The following DPRX variants were observed in gnomAD, a reference collection of about 807,000 sequenced individuals.
DPRX encodes the protein divergent-paired related homeobox.
In DPRX, 11 loss-of-function variants were observed where a neutral mutation model predicts 8.4. The ratio of observed to expected loss-of-function variants is 1.31; its 90% CI spans 0.82 to 2.17. DPRX has a LOEUF of 2.17. Among genes scored for constraint, DPRX ranks in the 30% most tolerant of loss-of-function variants. The pLI, the probability that DPRX is intolerant of heterozygous loss-of-function variation, is 0.00. For missense variants in DPRX, 211 were observed against 236.7 expected (o/e 0.89, Z 0.71); for synonymous variants, 72 against 87.0 (o/e 0.83, Z 0.96).
chr19:53,608,098 G>A, the DPRX span, among the ~76,000 whole-genome samples: 2 of 150,620 alleles, frequency 1.3e-5, no homozygotes, highest in Non-Finnish European at 2.9e-5. Flanking sequence ...CTTGAACCCG[G>A]GAGGCAGAGG....
chr19:53,632,253 C>A, intron 1 of DPRX, 119 bp downstream of exon 1: 1 of 1,259,088 alleles, frequency 7.9e-7, no homozygotes, highest in Non-Finnish European at 1.2e-6. Context: ...ACGTGGGTGG[C>A]AGGGACTTCC....
the DPRX span, among the ~76,000 whole-genome samples, chr19:53,601,638 T>G: frequency 6.6e-6 from 1 of 151,830 alleles, no homozygotes; most frequent in Non-Finnish European, 1.5e-5. Context: ...CACACCACCA[T>G]GCCCGGCTAA....
At chr19:53,636,262 A>T (rs1457664997) in intron 2 of DPRX, among the ~76,000 whole-genome samples, 3 of 152,044 alleles carry the variant, frequency 2.0e-5, no homozygotes, top group Non-Finnish European at 4.4e-5. Context: ...GCTACTCAGG[A>T]GGCTGAGGCA....
chr19:53,625,437 G>A, the DPRX span, among the ~76,000 whole-genome samples: 2 of 151,996 alleles, frequency 1.3e-5, no homozygotes, highest in South Asian at 2.1e-4. Flanking sequence ...CACATCCTTC[G>A]TCTCTTCTCC....
At chr19:53,634,438 G>T in intron 1 of DPRX, 93 bp from the exon 2 acceptor site, 2 of 1,479,838 alleles carry the variant, frequency 1.4e-6, no homozygotes, top group Non-Finnish European at 1.8e-6. Flanking sequence ...TGATCATCAC[G>T]TTGTACCTCA....
intron 2 of DPRX, among the ~76,000 whole-genome samples, chr19:53,636,382 AAAAT>A (rs373349141): frequency 1.3e-4 from 16 of 123,152 alleles, no homozygotes; most frequent in South Asian, 2.7e-4. Context: ...AAAATAAAAT[AAAAT>A]AAAAATAAAT....
chr19:53,614,955 CTA>C, the DPRX span, among the ~76,000 whole-genome samples: 2 of 151,354 alleles, frequency 1.3e-5, no homozygotes, highest in African/African-American at 4.9e-5. Flanking sequence ...CCCTGTCTCT[CTA>C]TTTTTTTTTT....
At chr19:53,627,830 C>G (rs2091077287), upstream of DPRX, among the ~76,000 whole-genome samples, 3 of 151,376 alleles carry the variant, frequency 2.0e-5, no homozygotes, top group East Asian at 2.0e-4. Flanking sequence ...GCGGGGAGAT[C>G]ACTTGCAATC....
exon 2 of DPRX, chr19:53,634,675 C>T (rs1290997042): frequency 3.1e-6 from 5 of 1,609,240 alleles, no homozygotes; most frequent in Non-Finnish European, 2.5e-6. Context: ...ATACACCCAA[C>T]AGTACTGCAG....
chr19:53,605,374 C>G, the DPRX span, among the ~76,000 whole-genome samples: 1 of 144,774 alleles, frequency 6.9e-6, no homozygotes, highest in East Asian at 2.1e-4. Context: ...CCACACCCAG[C>G]TAATTTTTTT....
At chr19:53,602,490 GCTGGGATTACAGGTAA>G in the DPRX span, among the ~76,000 whole-genome samples, 1 of 151,040 alleles carries the variant, frequency 6.6e-6, no homozygotes, top group Non-Finnish European at 1.5e-5. Flanking sequence ...CTCCCAAGTA[GCTGGGATTACAGGTAA>G]CTGCCACCAC....
the DPRX span, chr19:53,616,691 T>G: frequency 1.2e-6 from 1 of 867,344 alleles, no homozygotes; most frequent in Non-Finnish European, 1.7e-6. Flanking sequence ...TAGGCAGAGG[T>G]TGCAATGAGC....
chr19:53,621,383 C>T, the DPRX span, among the ~76,000 whole-genome samples: 2,411 of 151,498 alleles, frequency 0.016, 65 homozygotes, highest in African/African-American at 0.055. Context: ...TCCTCCCACC[C>T]GTGCCTCCCA....
At chr19:53,636,567 C>A (rs1376966790) in intron 2 of DPRX, 29 bp from the exon 3 acceptor site, 2 of 1,482,398 alleles carry the variant, frequency 1.3e-6, no homozygotes, top group African/African-American at 2.8e-5. Context: ...CTGAATTCCA[C>A]CCCATTCTCT....
chr19:53,611,940 C>T, the DPRX span, among the ~76,000 whole-genome samples: 5 of 151,918 alleles, frequency 3.3e-5, no homozygotes, highest in South Asian at 4.1e-4. Context: ...AAAAATTAGC[C>T]GGGCATGGTG....
chr19:53,617,264 T>G, the DPRX span: 2 of 739,254 alleles, frequency 2.7e-6, no homozygotes, highest in Non-Finnish European at 5.0e-6. Context: ...AGAGTGCCTT[T>G]AAGAAGAAAT....
the DPRX span, among the ~76,000 whole-genome samples, chr19:53,615,884 C>T: frequency 1.4e-4 from 21 of 152,070 alleles, 1 homozygote; most frequent in East Asian, 3.7e-3. Context: ...GGGAGGATCA[C>T]TTGAACCCAG....
At chr19:53,631,622 T>A (rs1428890263), upstream of DPRX, among the ~76,000 whole-genome samples, 2 of 151,094 alleles carry the variant, frequency 1.3e-5, no homozygotes. Context: ...TAGTCAGGAG[T>A]GGTGGCACAG....
the DPRX span, among the ~76,000 whole-genome samples, chr19:53,610,786 G>A: frequency 6.6e-6 from 1 of 152,118 alleles, no homozygotes; most frequent in Non-Finnish European, 1.5e-5. Flanking sequence ...TGTATTTTAT[G>A]TGTACCCGGA....
Sources: allele counts gnomAD v4.1 joint callset (sites outside exome capture counted in the v4.1 genomes callset), GRCh38; gene constraint gnomAD v4.1.1; transcripts MANE v1.5; gene names NCBI Gene and HGNC (gene_info 2026-07-23, HGNC 2026-07-21).